Variants in MYLIP observed in about 807,000 individuals in gnomAD.
The protein encoded by MYLIP is E3 ubiquitin-protein ligase MYLIP.
MYLIP carries 26 observed loss-of-function variants against 45.8 expected under a neutral mutation model. The ratio of observed to expected loss-of-function variants is 0.57; its 90% CI spans 0.42 to 0.79. The LOEUF (loss-of-function observed/expected upper bound fraction) is 0.79, where lower values mean the gene tolerates loss of function less well. MYLIP is among the 30% of genes least tolerant of loss of function. The pLI is 0.00. For missense variants in MYLIP, 494 were observed against 555.6 expected, an observed-to-expected ratio of 0.89 and a Z score of 1.11; for synonymous variants, 213 against 218.1, an observed-to-expected ratio of 0.98 and a Z score of 0.21.
chr6:16,162,491 A>G, the MYLIP span, among the ~76,000 whole-genome samples: 1 of 152,202 alleles, frequency 6.6e-6, no homozygotes, highest in South Asian at 2.1e-4. Flanking sequence ...TTGCAACTGT[A>G]AGCAAAAACC....
At chr6:16,144,843 A>G in intron 5 of MYLIP, 54 bp from the exon 6 acceptor site, 1 of 1,549,022 alleles carries the variant, frequency 6.5e-7, no homozygotes, top group East Asian at 2.3e-5. Context: ...ACAGCGAATA[A>G]GGGTGCTGCC....
rs1476218019 is a variant in MYLIP at position 16,141,687 on chromosome 6, A to G, written c.341A>G (p.Glu114Gly). Residue 114 changes from glutamate to glycine, a missense_variant, in exon 3 of 7, where the codon GAG becomes GGG. By Grantham distance (98) the Glu-to-Gly change is moderately conservative (BLOSUM62 -2). Transcript: ENST00000356840. ...LLAGHLLCSP[E>G]QAVELSALLA... Reference sequence around the variant, plus strand: ...GCAGGCCACCTCTTGTGTTCCCCAGAGCAGGCAGTGGAACTCAGTGCCCTC... The same window carrying G: ...GCAGGCCACCTCTTGTGTTCCCCAGGGCAGGCAGTGGAACTCAGTGCCCTC... 1 of 1,614,108 alleles carries G rather than the reference A, an allele frequency of 6.2e-7. No individual in the cohort carries two copies. The highest frequency in any genetic ancestry group is 8.5e-7 in the Non-Finnish European group (1 of 1,180,000).
intron 2 of MYLIP, among the ~76,000 whole-genome samples, chr6:16,139,516 G>A (rs950341150): frequency 6.6e-6 from 1 of 152,188 alleles, no homozygotes; most frequent in African/African-American, 2.4e-5. Flanking sequence ...GCAGATTTTA[G>A]TTTCCTAACA....
the MYLIP span, among the ~76,000 whole-genome samples, chr6:16,155,410 G>C: frequency 6.6e-6 from 1 of 152,194 alleles, no homozygotes; most frequent in Admixed American, 6.5e-5. Context: ...CAAAGGGAGG[G>C]GCAAGGGAAT....
chr6:16,159,342 C>G, the MYLIP span, among the ~76,000 whole-genome samples: 1 of 152,186 alleles, frequency 6.6e-6, no homozygotes, highest in Non-Finnish European at 1.5e-5. Context: ...TTGGCGCCAG[C>G]TCCCTGGAAG....
chr6:16,139,746 T>C (rs1759627456), intron 2 of MYLIP, among the ~76,000 whole-genome samples: 1 of 152,226 alleles, frequency 6.6e-6, no homozygotes, highest in Non-Finnish European at 1.5e-5. Flanking sequence ...TTTAGCAGTA[T>C]GTCAGAAATA....
At position 16,145,134 on chromosome 6, in the gene MYLIP, A is replaced by G; in HGVS notation, c.1065A>G (p.Glu355=). The change falls in exon 6 of 7, where the codon GAA becomes GAG. Residue 355 remains glutamate (E), a synonymous_variant. Transcript: ENST00000356840. The stretch of plus-strand genomic sequence containing the variant: ...CACACTCGCCTCTGAAGTCCTCAGA[A>G]AGCAGCATGAACTGCAGCAGCTGCG... ...SPSHSPLKSS[E]SSMNCSSCEG... is the part of the protein sequence containing the mutation. 1 of 1,614,216 alleles carries G rather than the reference A, an allele frequency of 6.2e-7. No individual in the cohort carries two copies. The highest frequency in any genetic ancestry group is 8.5e-7 in the Non-Finnish European group (1 of 1,180,028).
chr6:16,146,205 G>A (rs965141011), intron 6 of MYLIP, among the ~76,000 whole-genome samples: 4 of 152,202 alleles, frequency 2.6e-5, no homozygotes, highest in East Asian at 1.9e-4. Flanking sequence ...TGCCACCTAC[G>A]GCTAGAAGCA....
chr6:16,151,335 C>T (rs542902461), downstream of MYLIP, among the ~76,000 whole-genome samples: 18 of 149,278 alleles, frequency 1.2e-4, no homozygotes, highest in African/African-American at 3.2e-4. Context: ...TTGGACTGGG[C>T]GACAGAGTGA....
In MYLIP at chr6:16,147,019, A is replaced by G. The variant is rs1267263631; in HGVS notation, c.*268A>G. The G allele has an allele frequency of 3.2e-6, 1 of 315,564 alleles. No homozygotes were observed. Among genetic ancestry groups the G allele is most frequent in the Non-Finnish European group, 6.1e-6 (1 of 162,942 alleles). 19.5% of individuals were successfully genotyped at this position (315,564 alleles called of 1,614,324 possible). On this transcript the variant is annotated 3_prime_UTR_variant, in exon 7 of 7. Coordinates refer to ENST00000356840, the MANE Select transcript of MYLIP (RefSeq NM_013262.4). ...TGTTGATTTTTTTTATGATCTAGTA[A>G]AGGAATAGGTAAAGTCTTTGATGTC... is the stretch of plus-strand genomic sequence containing the variant.
rs1208036172 is a variant in MYLIP, at chr6:16,146,650, T to C, written c.1249-12T>C. 1.2e-6 allele frequency: 2 copies of C among 1,602,806 alleles called. No homozygotes were observed. Among genetic ancestry groups the C allele is most frequent in the South Asian group, 1.1e-5 (1 of 89,306 alleles). On this transcript the variant is annotated splice_polypyrimidine_tract_variant and intron_variant, in intron 6 of 6. Coordinates refer to ENST00000356840, the MANE Select transcript of MYLIP (RefSeq NM_013262.4). ...TGCATGCTAACAGAGACTGTTGGCT[T>C]TTCTTTCCCAGTCATGTCCCGTCTG...
the MYLIP span, among the ~76,000 whole-genome samples, chr6:16,158,702 T>C: frequency 6.6e-6 from 1 of 152,116 alleles, no homozygotes; most frequent in Non-Finnish European, 1.5e-5. Context: ...ACCCCGTCTC[T>C]ACTAAAAAAT....
At chr6:16,138,641 C>G (rs911053892) in intron 2 of MYLIP, among the ~76,000 whole-genome samples, 8 of 152,118 alleles carry the variant, frequency 5.3e-5, no homozygotes, top group African/African-American at 1.9e-4. Context: ...GTAAGTCCAT[C>G]TAAAAAGGAA....
chr6:16,129,277 G>C lies in MYLIP; in HGVS notation c.-46G>C, dbSNP rs1176845859. On this transcript the variant is annotated 5_prime_UTR_variant, in exon 1 of 7. Coordinates refer to ENST00000356840, the MANE Select transcript of MYLIP (RefSeq NM_013262.4). This position sits in a 1 kb window ranked among gnomAD's most constrained non-coding sequence, Gnocchi z 5.1. ...ACCAGTGACAAGGCGGCAGCCCCGC[G>C]CACACCAAAGAGAAGGCGGCTGTGG... 6.5e-7 allele frequency: 1 copy of C among 1,540,856 alleles called. No individual in the cohort carries two copies. Among genetic ancestry groups the C allele is most frequent in the African/African-American group, 1.4e-5 (1 of 72,806 alleles).
chr6:16,136,955 T>C (rs147404910), intron 2 of MYLIP, among the ~76,000 whole-genome samples: 94 of 152,356 alleles, frequency 6.2e-4, no homozygotes, highest in Non-Finnish European at 9.8e-4. Flanking sequence ...GATACATGTT[T>C]TGTAAATGTA....
intron 2 of MYLIP, among the ~76,000 whole-genome samples, chr6:16,134,414 A>C (rs1264717175): frequency 6.6e-6 from 1 of 152,148 alleles, no homozygotes; most frequent in Non-Finnish European, 1.5e-5. Context: ...TGTAGTGATT[A>C]TTTTCTGTTT....
At chr6:16,152,107 C>T (rs1759886193), downstream of MYLIP, among the ~76,000 whole-genome samples, 1 of 152,132 alleles carries the variant, frequency 6.6e-6, no homozygotes, top group Admixed American at 6.5e-5. Context: ...AAAGGGAAAG[C>T]ATGAGAATGC....
At chr6:16,136,652 C>T (rs926461639) in intron 2 of MYLIP, among the ~76,000 whole-genome samples, 2 of 152,086 alleles carry the variant, frequency 1.3e-5, no homozygotes, top group African/African-American at 2.4e-5. Context: ...AACTAACTGC[C>T]GGACCTTTTC....
Position 16,133,419 on chromosome 6 carries a change from C to T in MYLIP, c.278+2672C>T, listed in dbSNP as rs1759494182. Among the ~76,000 whole-genome samples, 4 of 152,252 alleles carry T rather than the reference C, an allele frequency of 2.6e-5. No homozygotes were observed. The South Asian group carries it at 8.3e-4, about 32-fold the overall frequency. On this transcript the variant is annotated intron_variant, in intron 2 of 6. Transcript: ENST00000356840. ...CTAATTTTAGATTTGATTCTTCTAT[C>T]TAGATTATGCTTTGCTCTTGAATAT...
Sources: gnomAD v4.1 joint callset for allele counts (sites outside exome capture counted in the v4.1 genomes callset) on GRCh38, gnomAD v4.1.1 for gene constraint, Gnocchi (gnomAD v3.1) non-coding constraint, MANE v1.5 for transcripts, NCBI Gene and HGNC (gene_info 2026-07-23, HGNC 2026-07-21) for gene names.